The following WNT7B variants were observed in gnomAD, a reference collection of about 807,000 sequenced individuals.
The protein encoded by WNT7B is Wnt family member 7B, also known as protein Wnt-7b.
Under a neutral mutation model 38.2 loss-of-function variants are expected in WNT7B, and 19 were observed. The ratio of observed to expected loss-of-function variants is 0.50; its 90% CI spans 0.35 to 0.73. The LOEUF (loss-of-function observed/expected upper bound fraction) is 0.73. Among genes scored for constraint, WNT7B ranks in the 30% least tolerant of loss-of-function variants. WNT7B has a pLI of 0.01. For synonymous variants in WNT7B, 243 were observed against 209.3 expected, an observed-to-expected ratio of 1.16 and a Z score of -1.39; for missense variants, 423 against 507.9, an observed-to-expected ratio of 0.83 and a Z score of 1.61.
intron 1 of WNT7B, among the ~76,000 whole-genome samples, chr22:45,967,161 A>G (rs1421740316): frequency 6.6e-6 from 1 of 152,168 alleles, no homozygotes. Context: ...GCCCTGCGCC[A>G]GGGACGGAGG....
rs1431632887 is a variant in WNT7B, at chr22:45,975,656, C to G, written c.71+1028G>C. On this transcript the variant is annotated intron_variant, in intron 1 of 3. Coordinates refer to ENST00000339464, the MANE Select transcript of WNT7B (RefSeq NM_058238.3). The surrounding 1 kb of genome is among the most constrained non-coding windows in gnomAD (Gnocchi z 6.6). ...GCGTCTCCCACCAGTGGTACCTGCA[C>G]CTGCCCCTCCCGCGGGTCTGTTCAC... is the stretch of plus-strand genomic sequence containing the variant. 2 of 699,370 alleles carry G rather than the reference C, an allele frequency of 2.9e-6. No homozygotes were observed. The highest frequency in any genetic ancestry group is 5.3e-6 in the Non-Finnish European group (2 of 374,910). 43.3% of individuals were successfully genotyped at this position (699,370 alleles called of 1,614,324 possible). A position where few individuals can be genotyped will look rare whatever the true frequency, so the allele number is the denominator to read the frequency against.
intron 1 of WNT7B, among the ~76,000 whole-genome samples, chr22:45,971,663 T>C (rs1018421348): frequency 6.6e-6 from 1 of 152,188 alleles, no homozygotes; most frequent in African/African-American, 2.4e-5. Flanking sequence ...CGGGGTACAG[T>C]CCGGGCGCTG....
At chr22:45,950,680 G>A (rs2146733452) in intron 1 of WNT7B, among the ~76,000 whole-genome samples, 2 of 152,344 alleles carry the variant, frequency 1.3e-5, no homozygotes, top group South Asian at 4.1e-4. Flanking sequence ...CGACCTGTGT[G>A]TAACTTTGAG....
chr22:45,929,475 T>TCCAC (rs1931220784), intron 3 of WNT7B, among the ~76,000 whole-genome samples: 1 of 142,094 alleles, frequency 7.0e-6, no homozygotes, highest in African/African-American at 2.8e-5. Flanking sequence ...TACTTATCCT[T>TCCAC]CCATCTGTAC....
chr22:45,936,389 C>A (rs543723231), intron 2 of WNT7B, among the ~76,000 whole-genome samples: 24 of 152,294 alleles, frequency 1.6e-4, no homozygotes, highest in South Asian at 4.1e-4. Flanking sequence ...CCAGGACAGA[C>A]CGAGGTGTCT....
intron 1 of WNT7B, among the ~76,000 whole-genome samples, chr22:45,967,833 A>G (rs187177015): frequency 8.6e-5 from 13 of 152,032 alleles, no homozygotes; most frequent in African/African-American, 2.7e-4. Context: ...AAAATCACCA[A>G]CTTCATGATC....
chr22:45,953,575 G>A (rs1032005963), intron 1 of WNT7B, among the ~76,000 whole-genome samples: 2 of 152,218 alleles, frequency 1.3e-5, no homozygotes, highest in Non-Finnish European at 2.9e-5. Flanking sequence ...GTTACAATGA[G>A]CAAAGCGCTT....
chr22:45,972,116 G>GGGGGGGGCCCCCCC, intron 1 of WNT7B: 1 of 530,746 alleles, frequency 1.9e-6, no homozygotes, highest in African/African-American at 2.1e-5. Context: ...CCCGGGGGGA[G>GGGGGGGGCCCCCCC]CCCACCCGCC....
At chr22:45,952,327 G>A (rs571081327) in intron 1 of WNT7B, among the ~76,000 whole-genome samples, 1 of 152,338 alleles carries the variant, frequency 6.6e-6, no homozygotes, top group South Asian at 2.1e-4. Flanking sequence ...CTGCAGCCGG[G>A]CTGCCAGGGT....
At chr22:45,957,279 T>C (rs1357621085) in intron 1 of WNT7B, among the ~76,000 whole-genome samples, 1 of 152,108 alleles carries the variant, frequency 6.6e-6, no homozygotes, top group African/African-American at 2.4e-5. Flanking sequence ...TTCTGTGCTT[T>C]ACATAAGTTA....
chr22:45,972,105 G>A, intron 1 of WNT7B: 1 of 589,712 alleles, frequency 1.7e-6, no homozygotes, highest in South Asian at 1.9e-5. Flanking sequence ...AGCGCTGGAG[G>A]CCCGGGGGGA....
At chr22:45,924,838 G>C (rs1356651595) in intron 3 of WNT7B, among the ~76,000 whole-genome samples, 2 of 150,406 alleles carry the variant, frequency 1.3e-5, no homozygotes, top group African/African-American at 4.9e-5. Context: ...GGCGGGTGCT[G>C]GGTGGGCCCT....
intron 3 of WNT7B, chr22:45,926,034 C>T: frequency 5.1e-6 from 5 of 985,452 alleles, no homozygotes; most frequent in Non-Finnish European, 6.0e-6. Flanking sequence ...CTGCATGCTA[C>T]TGCCCGCCTG....
At position 45,951,324 on chromosome 22, in the gene WNT7B, G is replaced by A. The variant is rs1312033420; in HGVS notation, c.72-1178C>T. ...ACTCCTGACCTCAGGTCATCTGCCC[G>A]CCTCGGCCTCCCAAAATGCTGGGAT... On this transcript the variant is annotated intron_variant, in intron 1 of 3. Transcript: ENST00000339464. This position sits in a 1 kb window ranked among gnomAD's most constrained non-coding sequence, Gnocchi z 4.8. Among the ~76,000 whole-genome samples the A allele has an allele frequency of 3.3e-5, 5 of 151,636 alleles. No homozygotes were observed. The highest frequency in any genetic ancestry group is 2.1e-4 in the South Asian group (1 of 4,814).
chr22:45,928,643 C>T (rs1286437685), intron 3 of WNT7B, among the ~76,000 whole-genome samples: 2 of 78,744 alleles, frequency 2.5e-5, no homozygotes, highest in South Asian at 4.2e-4. Context: ...GTCTCCATTT[C>T]CCTTCTGCCT....
rs907005730 is a variant in WNT7B at position 45,976,915 on chromosome 22, C to T, written c.-161G>A. 15 of 992,848 alleles carry T rather than the reference C, an allele frequency of 1.5e-5. No individual in the cohort carries two copies. The highest frequency in any genetic ancestry group is 2.4e-6 in the Non-Finnish European group (2 of 835,158). The allele number at this position is 992,848 out of a possible 1,614,324, so 61.5% of individuals were successfully genotyped here. ...CGCGGGCACTCGGCGCGCGCTGCCACCATGGTGAGCCCGGGATGCCGCCGC... is the reference window on the plus strand; with the variant it reads ...CGCGGGCACTCGGCGCGCGCTGCCATCATGGTGAGCCCGGGATGCCGCCGC... On this transcript the variant is annotated 5_prime_UTR_variant, in exon 1 of 4. The change creates a new upstream start codon in the 5' untranslated region. Coordinates refer to ENST00000339464, the MANE Select transcript of WNT7B (RefSeq NM_058238.3). This position sits in a 1 kb window ranked among gnomAD's most constrained non-coding sequence, Gnocchi z 8.5.
rs978948163 is a variant in WNT7B, at chr22:45,975,715, G to C, written c.71+969C>G. The C allele has an allele frequency of 1.9e-5, 9 of 484,124 alleles. No homozygotes were observed. The highest frequency in any genetic ancestry group is 6.8e-5 in the South Asian group (2 of 29,382). The allele number at this position is 484,124 out of a possible 1,614,324, so 30.0% of individuals were successfully genotyped here. ...CTGTGGCCTGGACGGGGCTCGCCTCGGGGCAGCCGGCGGCGCACAGTAGGC... is the reference window on the plus strand; with the variant it reads ...CTGTGGCCTGGACGGGGCTCGCCTCCGGGCAGCCGGCGGCGCACAGTAGGC... On this transcript the variant is annotated intron_variant, in intron 1 of 3. Transcript: ENST00000339464. The surrounding 1 kb of genome is among the most constrained non-coding windows in gnomAD (Gnocchi z 6.6).
At chr22:45,954,816 G>A (rs1443561649) in intron 1 of WNT7B, 6 of 958,018 alleles carry the variant, frequency 6.3e-6, no homozygotes, top group Non-Finnish European at 5.0e-6. Flanking sequence ...ACTCTGGGCC[G>A]TTGGGACCTC....
rs1932543229 is a variant in WNT7B, at chr22:45,976,053, G to C, written c.71+631C>G. Reference sequence around the variant, plus strand: ...GCGCGGCGAGAGGGGGCCGGGCCCAGGGCCCAGGGCCCCGGGCGGGCGGGG... The same window carrying C: ...GCGCGGCGAGAGGGGGCCGGGCCCACGGCCCAGGGCCCCGGGCGGGCGGGG... On this transcript the variant is annotated intron_variant, in intron 1 of 3. Transcript: ENST00000339464. The surrounding 1 kb of genome is among the most constrained non-coding windows in gnomAD (Gnocchi z 8.5). 1.4e-5 allele frequency: 2 copies of C among 145,156 alleles called. No individual in the cohort carries two copies. The highest frequency in any genetic ancestry group is 6.8e-5 in the Admixed American group (1 of 14,704). 9.0% of individuals were successfully genotyped at this position (145,156 alleles called of 1,614,324 possible).
Sources: allele counts gnomAD v4.1 joint callset (sites outside exome capture counted in the v4.1 genomes callset), GRCh38; gene constraint gnomAD v4.1.1; non-coding constraint Gnocchi (gnomAD v3.1); transcripts MANE v1.5; gene names NCBI Gene and HGNC (gene_info 2026-07-23, HGNC 2026-07-21).